Variants in ARHGAP15 observed in about 807,000 individuals in gnomAD.
The protein encoded by ARHGAP15 is rho GTPase-activating protein 15.
Under a neutral mutation model 63.7 loss-of-function variants are expected in ARHGAP15, and 51 were observed. The observed-to-expected ratio is 0.80, with a 90% CI of 0.64 to 1.01. The LOEUF is 1.01. Ranked by LOEUF, ARHGAP15 falls within the 50% of genes least tolerant of loss-of-function variation. The pLI, the probability that ARHGAP15 is intolerant of heterozygous loss-of-function variation, is 0.00. For synonymous variants in ARHGAP15, 191 were observed against 193.8 expected (o/e 0.99, Z 0.12); for missense variants, 560 against 564.6 (o/e 0.99, Z 0.08).
intron 13 of ARHGAP15, among the ~76,000 whole-genome samples, chr2:143,717,738 C>T (rs1684871267): frequency 1.3e-5 from 2 of 152,116 alleles, no homozygotes; most frequent in Admixed American, 1.3e-4. Context: ...CTTGTCACAC[C>T]ATGAACAAAA....
intron 11 of ARHGAP15, among the ~76,000 whole-genome samples, chr2:143,597,338 A>G (rs1398740767): frequency 1.3e-5 from 2 of 152,148 alleles, no homozygotes; most frequent in Admixed American, 1.3e-4. Flanking sequence ...CATAATATGT[A>G]TATATTTAAG....
chr2:143,409,962 T>C (rs1688375651), intron 6 of ARHGAP15, among the ~76,000 whole-genome samples: 1 of 152,118 alleles, frequency 6.6e-6, no homozygotes, highest in Non-Finnish European at 1.5e-5. Flanking sequence ...AGGAGCACCC[T>C]TTCTTCCCCT....
chr2:143,224,482 T>C (rs17812769), intron 4 of ARHGAP15, among the ~76,000 whole-genome samples: 22,137 of 152,132 alleles, frequency 0.15, 1,691 homozygotes, highest in Middle Eastern at 0.24. Context: ...GTGGTTTCTA[T>C]TTCTTTGTGG....
intron 5 of ARHGAP15, among the ~76,000 whole-genome samples, chr2:143,241,097 A>G (rs1324918551): frequency 6.6e-6 from 1 of 152,178 alleles, no homozygotes; most frequent in Non-Finnish European, 1.5e-5. Context: ...GCATTTCTCT[A>G]AGATAAAATG....
At chr2:143,443,695 T>C (rs1690002270) in intron 8 of ARHGAP15, among the ~76,000 whole-genome samples, 1 of 152,184 alleles carries the variant, frequency 6.6e-6, no homozygotes, top group African/African-American at 2.4e-5. Context: ...TTGTTAAAGC[T>C]GCAAGATGTA....
chr2:143,545,831 A>G (rs1320337905), intron 10 of ARHGAP15, among the ~76,000 whole-genome samples: 1 of 152,160 alleles, frequency 6.6e-6, no homozygotes, highest in African/African-American at 2.4e-5. Flanking sequence ...GATTGCAAAC[A>G]AAAACAGATT....
chr2:143,728,266 G>A (rs560979896), intron 13 of ARHGAP15, among the ~76,000 whole-genome samples: 6 of 152,140 alleles, frequency 3.9e-5, no homozygotes, highest in South Asian at 2.1e-4. Flanking sequence ...GTCTCTCTGC[G>A]AGTCTAAATT....
intron 8 of ARHGAP15, among the ~76,000 whole-genome samples, chr2:143,444,102 C>G (rs936227859): frequency 1.3e-5 from 2 of 152,170 alleles, no homozygotes; most frequent in African/African-American, 4.8e-5. Flanking sequence ...CTAGATCACC[C>G]TATCTTCCTT....
At chr2:143,229,095 G>T (rs188280412) in intron 5 of ARHGAP15, among the ~76,000 whole-genome samples, 3 of 152,060 alleles carry the variant, frequency 2.0e-5, no homozygotes, top group African/African-American at 7.2e-5. Flanking sequence ...ATTATAAGAC[G>T]TAAATCATAT....
At chr2:143,342,179 A>C (rs1315815825) in intron 6 of ARHGAP15, among the ~76,000 whole-genome samples, 2 of 152,122 alleles carry the variant, frequency 1.3e-5, no homozygotes, top group African/African-American at 4.8e-5. Flanking sequence ...GGAGATTCAT[A>C]AAAGTTGAAA....
intron 6 of ARHGAP15, among the ~76,000 whole-genome samples, chr2:143,330,117 A>AAAC (rs1684462010): frequency 7.0e-5 from 6 of 85,350 alleles, no homozygotes; most frequent in African/African-American, 1.4e-4. Context: ...AAAAAAAAAA[A>AAAC]AAAAAAAAAA....
intron 11 of ARHGAP15, among the ~76,000 whole-genome samples, chr2:143,604,622 CT>C (rs1697911329): frequency 6.6e-6 from 1 of 152,138 alleles, no homozygotes; most frequent in Admixed American, 6.5e-5. Context: ...CAAGATGCAG[CT>C]TCAGTACCTT....
chr2:143,508,315 C>T (rs867146592), intron 9 of ARHGAP15, among the ~76,000 whole-genome samples: 3 of 152,176 alleles, frequency 2.0e-5, no homozygotes, highest in Non-Finnish European at 2.9e-5. Context: ...TGCTCAGATG[C>T]CATTGCCTGA....
At chr2:143,213,757 C>T (rs6430007) in intron 3 of ARHGAP15, among the ~76,000 whole-genome samples, 25,999 of 152,198 alleles carry the variant, frequency 0.17, 2,428 homozygotes, top group Middle Eastern at 0.24. Flanking sequence ...AGATAACTAA[C>T]TTGCTATTCA....
At chr2:143,662,498 C>T (rs986804669) in intron 12 of ARHGAP15, among the ~76,000 whole-genome samples, 22 of 143,990 alleles carry the variant, frequency 1.5e-4, no homozygotes, top group South Asian at 7.1e-4. Context: ...AACTCTAAAA[C>T]GCAGAGTGCC....
chr2:143,709,212 T>C (rs1486633672), intron 13 of ARHGAP15, among the ~76,000 whole-genome samples: 1 of 152,236 alleles, frequency 6.6e-6, no homozygotes, highest in Non-Finnish European at 1.5e-5. Flanking sequence ...AGATTTCCTT[T>C]GTGGCATGCA....
intron 12 of ARHGAP15, among the ~76,000 whole-genome samples, chr2:143,639,742 A>C (rs1364030550): frequency 6.6e-6 from 1 of 152,092 alleles, no homozygotes; most frequent in Non-Finnish European, 1.5e-5. Context: ...CCCTCATGTC[A>C]TGTGCCAGAA....
intron 11 of ARHGAP15, among the ~76,000 whole-genome samples, chr2:143,606,526 C>T (rs754869667): frequency 5.9e-5 from 9 of 152,204 alleles, no homozygotes; most frequent in Non-Finnish European, 1.2e-4. Flanking sequence ...TCTCTGCGTG[C>T]ACTCAGCTCA....
chr2:143,614,597 A>T (rs573529795), intron 11 of ARHGAP15, among the ~76,000 whole-genome samples: 88 of 152,322 alleles, frequency 5.8e-4, no homozygotes, highest in Admixed American at 1.4e-3. Flanking sequence ...GGAGGTTAAA[A>T]TTTGATAGGT....
Sources: gnomAD v4.1 joint callset for allele counts (sites outside exome capture counted in the v4.1 genomes callset) on GRCh38, gnomAD v4.1.1 for gene constraint, MANE v1.5 for transcripts, NCBI Gene and HGNC (gene_info 2026-07-23, HGNC 2026-07-21) for gene names.